HSPA9: variants seen among roughly 807,000 people sequenced by gnomAD.
HSPA9 encodes stress-70 protein, mitochondrial.
In HSPA9, 28 loss-of-function variants were observed where a neutral mutation model predicts 81.5. That is an observed-to-expected ratio of 0.34 (90% CI 0.25 to 0.47). HSPA9 has a LOEUF of 0.47. Among genes scored for constraint, HSPA9 ranks in the 20% least tolerant of loss-of-function variants. The probability of loss-of-function intolerance (pLI) is 1.00; values close to 1 mark genes in which losing one functional copy is unlikely to be tolerated. For synonymous variants in HSPA9, 293 were observed against 290.4 expected, an observed-to-expected ratio of 1.01 and a Z score of -0.09; for missense variants, 678 against 838.0, an observed-to-expected ratio of 0.81 and a Z score of 2.36.
Position 138,556,000 on chromosome 5 carries a change from A to G in HSPA9, c.*37T>C, listed in dbSNP as rs759551229. On this transcript the variant is annotated 3_prime_UTR_variant, in exon 17 of 17. Transcript: ENST00000297185. The stretch of plus-strand genomic sequence containing the variant: ...GGAAGTCTCTTCACTCCTAAGCTTC[A>G]TATGTTGTCCTTCTGGCTTCAAAAT... 4.8e-6 allele frequency: 7 copies of G among 1,458,926 alleles called. No homozygotes were observed. The highest frequency in any genetic ancestry group is 3.6e-4 in the Middle Eastern group (2 of 5,504). The allele number at this position is 1,458,926 out of a possible 1,614,324, so 90.4% of individuals were successfully genotyped here.
rs1185515582 is a variant in HSPA9, at chr5:138,555,575, G to A, written c.*462C>T. ...TCTACAAACATGGCACAGCCAGCTT[G>A]ACTTGCAAGGCCTCAGTTGAAGGAC... On this transcript the variant is annotated 3_prime_UTR_variant, in exon 17 of 17. Coordinates refer to ENST00000297185, the MANE Select transcript of HSPA9 (RefSeq NM_004134.7). 2 of 192,488 alleles carry A rather than the reference G, an allele frequency of 1.0e-5. No individual in the cohort carries two copies. Among genetic ancestry groups the A allele is most frequent in the Non-Finnish European group, 2.2e-5 (2 of 92,030 alleles). 11.9% of individuals were successfully genotyped at this position (192,488 alleles called of 1,614,324 possible). A position where few individuals can be genotyped will look rare whatever the true frequency, so the allele number is the denominator to read the frequency against.
chr5:138,567,376 T>G, intron 7 of HSPA9, 79 bp downstream of exon 7: 1 of 1,184,954 alleles, frequency 8.4e-7, no homozygotes, highest in Admixed American at 1.7e-5. Context: ...AAAAGCACTG[T>G]AAAAGGCTCA....
At chr5:138,560,278 T>G (rs1259963571) in intron 10 of HSPA9, among the ~76,000 whole-genome samples, 187 bp from the exon 11 acceptor site, 2 of 152,226 alleles carry the variant, frequency 1.3e-5, no homozygotes, top group Non-Finnish European at 1.5e-5. Context: ...CTCATACACT[T>G]TATACCTATA....
Position 138,575,234 on chromosome 5 carries a change from T to C in HSPA9, c.81+4A>G. The C allele has an allele frequency of 2.5e-6, 4 of 1,598,150 alleles. No individual in the cohort carries two copies. Among genetic ancestry groups the C allele is most frequent in the Non-Finnish European group, 2.6e-6 (3 of 1,172,750 alleles). Reference sequence around the variant, plus strand: ...CCCCATTCGGGAAGGTCCCAGTTCCTCACCTGGTGGCGGGCGGCCGTAGGG... The same window carrying C: ...CCCCATTCGGGAAGGTCCCAGTTCCCCACCTGGTGGCGGGCGGCCGTAGGG... On this transcript the variant is annotated splice_donor_region_variant and intron_variant, in intron 1 of 16. Transcript: ENST00000297185.
intron 1 of HSPA9, chr5:138,574,874 T>C: frequency 3.1e-6 from 1 of 322,590 alleles, no homozygotes; most frequent in Non-Finnish European, 5.8e-6. Context: ...ACACACTCTG[T>C]ATTCTGTAGA....
intron 11 of HSPA9, chr5:138,559,608 T>C (rs1750609342): frequency 2.2e-6 from 1 of 448,256 alleles, no homozygotes; most frequent in Admixed American, 3.4e-5. Context: ...GCAAATTATG[T>C]TAATCCTGTG....
chr5:138,560,828 G>C (rs763058022), intron 10 of HSPA9: 1 of 425,778 alleles, frequency 2.3e-6, no homozygotes, highest in South Asian at 1.7e-5. Flanking sequence ...GATTACAGGC[G>C]TAAGCCACTG....
At chr5:138,560,161 C>A (rs1256764724) in intron 10 of HSPA9, 70 bp from the exon 11 acceptor site, 1 of 1,043,740 alleles carries the variant, frequency 9.6e-7, no homozygotes, top group African/African-American at 1.6e-5. Context: ...AAAGGGAGCA[C>A]GTGTCCTACG....
chr5:138,572,413 G>A (rs1750925699), intron 3 of HSPA9, among the ~76,000 whole-genome samples: 1 of 152,138 alleles, frequency 6.6e-6, no homozygotes, highest in African/African-American at 2.4e-5. Flanking sequence ...TGGTTACTCT[G>A]GTAACCACCA....
intron 1 of HSPA9, 137 bp from the exon 2 acceptor site, chr5:138,574,263 G>A (rs1341579113): frequency 1.0e-5 from 7 of 688,422 alleles, no homozygotes; most frequent in Admixed American, 7.5e-5. Context: ...AAATAAGTAA[G>A]ACGAAAAAAG....
intron 9 of HSPA9, among the ~76,000 whole-genome samples, chr5:138,562,401 A>T (rs374221710): frequency 6.6e-6 from 1 of 151,736 alleles, no homozygotes; most frequent in African/African-American, 2.4e-5. Flanking sequence ...TACAAAAAAA[A>T]TTAGCCGGGC....
At chr5:138,562,863 A>G (rs1290696009) in intron 9 of HSPA9, among the ~76,000 whole-genome samples, 1 of 152,212 alleles carries the variant, frequency 6.6e-6, no homozygotes, top group East Asian at 1.9e-4. Flanking sequence ...AGCTACAGAC[A>G]TGCTCTCATT....
chr5:138,571,138 G>A lies in HSPA9; in HGVS notation c.232C>T (p.Leu78=), dbSNP rs774191750. ...GTTCTGGCACCTTCGGCATTCTCCA[G>A]CACCTAAACTCCCAAAATGTGATAG... is the stretch of plus-strand genomic sequence containing the variant. The part of the protein sequence containing the change: ...AVMEGKQAKV[L]ENAEGARTTP... The change falls in exon 4 of 17, where the codon CTG becomes TTG. Residue 78 remains leucine (L), a synonymous_variant. Transcript: ENST00000297185. 1.2e-6 allele frequency: 2 copies of A among 1,613,446 alleles called. No individual in the cohort carries two copies. Among genetic ancestry groups the A allele is most frequent in the South Asian group, 2.2e-5 (2 of 91,056 alleles).
In HSPA9 at chr5:138,559,847, G is replaced by A; in HGVS notation, c.1410+17C>T. The A allele has an allele frequency of 1.3e-6, 2 of 1,519,276 alleles. No individual in the cohort carries two copies. The highest frequency in any genetic ancestry group is 9.1e-7 in the Non-Finnish European group (1 of 1,093,656). 94.1% of individuals were successfully genotyped at this position (1,519,276 alleles called of 1,614,324 possible). A position where few individuals can be genotyped will look rare whatever the true frequency, so the allele number is the denominator to read the frequency against. On this transcript the variant is annotated intron_variant, in intron 11 of 16. Coordinates refer to ENST00000297185, the MANE Select transcript of HSPA9 (RefSeq NM_004134.7). ...ACCTAAAACCCATGTGACAAGGTAGGAAGTGATGGCTCTTACCTGGCTCTT... is the reference window on the plus strand; with the variant it reads ...ACCTAAAACCCATGTGACAAGGTAGAAAGTGATGGCTCTTACCTGGCTCTT...
chr5:138,562,401 A>G (rs374221710), intron 9 of HSPA9, among the ~76,000 whole-genome samples: 1 of 151,738 alleles, frequency 6.6e-6, no homozygotes, highest in Non-Finnish European at 1.5e-5. Flanking sequence ...TACAAAAAAA[A>G]TTAGCCGGGC....
In HSPA9 at chr5:138,557,853, A is replaced by AGT. The variant is rs779707180; in HGVS notation, c.1633+15_1633+16insAC. 1 of 1,513,204 alleles carries AGT rather than the reference A, an allele frequency of 6.6e-7. No homozygotes were observed. The highest frequency in any genetic ancestry group is 1.1e-5 in the South Asian group (1 of 89,120). The allele number at this position is 1,513,204 out of a possible 1,614,324, so 93.7% of individuals were successfully genotyped here. On this transcript the variant is annotated intron_variant, in intron 13 of 16. Coordinates refer to ENST00000297185, the MANE Select transcript of HSPA9 (RefSeq NM_004134.7). ...CCTCACCTCACTCTTAGGGTCTGAT[A>AGT]AACAAGGTGACTTACTCTGCTGCTC...
chr5:138,569,529 TC>T (rs1284321596), intron 4 of HSPA9, among the ~76,000 whole-genome samples: 6 of 152,148 alleles, frequency 3.9e-5, no homozygotes, highest in South Asian at 4.1e-4. Flanking sequence ...GTGCTGTATG[TC>T]CATACAGTAT....
chr5:138,559,125 A>C (rs2127153792), intron 11 of HSPA9: 1 of 215,314 alleles, frequency 4.6e-6, no homozygotes, highest in Non-Finnish European at 9.4e-6. Context: ...TTTTGAGACA[A>C]GACCTCACTT....
intron 9 of HSPA9, among the ~76,000 whole-genome samples, chr5:138,564,001 T>G (rs1385601685): frequency 4.6e-5 from 7 of 152,250 alleles, no homozygotes; most frequent in Non-Finnish European, 7.3e-5. Context: ...CCATTACACA[T>G]GCCCATTTAT....
Sources: allele counts gnomAD v4.1 joint callset (sites outside exome capture counted in the v4.1 genomes callset), GRCh38; gene constraint gnomAD v4.1.1; transcripts MANE v1.5; gene names NCBI Gene and HGNC (gene_info 2026-07-23, HGNC 2026-07-21).